The following KCTD1 variants were observed in gnomAD, a reference collection of about 807,000 sequenced individuals.
KCTD1 encodes BTB/POZ domain-containing protein KCTD1.
KCTD1 carries 24 observed loss-of-function variants against 66.0 expected under a neutral mutation model. The observed-to-expected ratio is 0.36, with a 90% CI of 0.26 to 0.51. KCTD1 has a LOEUF of 0.51. Among genes scored for constraint, KCTD1 ranks in the 20% least tolerant of loss-of-function variants. The probability of loss-of-function intolerance (pLI) is 0.95; values close to 1 mark genes in which losing one functional copy is unlikely to be tolerated. For missense variants in KCTD1, 943 were observed against 1,205.2 expected (o/e 0.78, Z 3.22); for synonymous variants, 511 against 517.2 (o/e 0.99, Z 0.16).
At chr18:26,546,155 C>T (rs916820185) in intron 1 of KCTD1, among the ~76,000 whole-genome samples, 1 of 149,018 alleles carries the variant, frequency 6.7e-6, no homozygotes, top group Non-Finnish European at 1.5e-5. Flanking sequence ...TGCCAGTTTA[C>T]ATTCAACTAC....
intron 1 of KCTD1, among the ~76,000 whole-genome samples, chr18:26,655,322 G>A (rs2145086980): frequency 6.6e-6 from 1 of 152,274 alleles, no homozygotes; most frequent in African/African-American, 2.4e-5. Context: ...TACCCAGAGG[G>A]TATTCTCAAA....
chr18:26,546,300 C>T (rs543910929), intron 1 of KCTD1, among the ~76,000 whole-genome samples: 21 of 150,906 alleles, frequency 1.4e-4, no homozygotes, highest in African/African-American at 5.1e-4. Flanking sequence ...GTTTTTCTAC[C>T]TTCTAAGGTC....
chr18:26,641,330 C>T (rs780122763), upstream of KCTD1, among the ~76,000 whole-genome samples: 2 of 152,162 alleles, frequency 1.3e-5, no homozygotes, highest in Non-Finnish European at 2.9e-5. Flanking sequence ...GCTTGTAACC[C>T]ACAGCATAGA....
intron 1 of KCTD1, among the ~76,000 whole-genome samples, chr18:26,569,524 T>A (rs1986054974): frequency 6.6e-6 from 1 of 151,112 alleles, no homozygotes; most frequent in Admixed American, 6.6e-5. Context: ...ACTCTTCTAT[T>A]CAGGCTGTCA....
At chr18:26,604,310 G>A (rs1986964162) in intron 1 of KCTD1, among the ~76,000 whole-genome samples, 1 of 152,198 alleles carries the variant, frequency 6.6e-6, no homozygotes, top group South Asian at 2.1e-4. Flanking sequence ...ACATACTGGT[G>A]AGAGTTTAAA....
chr18:26,573,354 T>C (rs1231151345), intron 1 of KCTD1, among the ~76,000 whole-genome samples: 2 of 152,118 alleles, frequency 1.3e-5, no homozygotes, highest in Admixed American at 6.6e-5. Flanking sequence ...TGTACAACAG[T>C]GTGAATGTAC....
intron 3 of KCTD1, among the ~76,000 whole-genome samples, chr18:26,465,681 C>T (rs902167280): frequency 6.6e-6 from 1 of 152,168 alleles, no homozygotes; most frequent in African/African-American, 2.4e-5. Context: ...GACGGCGGGA[C>T]GGAAGGCAGG....
intron 1 of KCTD1, among the ~76,000 whole-genome samples, chr18:26,628,835 G>A (rs1987558588): frequency 6.6e-6 from 1 of 152,198 alleles, no homozygotes; most frequent in African/African-American, 2.4e-5. Flanking sequence ...CAGAGTCTAT[G>A]CTATAATCAC....
chr18:26,575,115 G>GAGACTCCT (rs1986194934), intron 1 of KCTD1, among the ~76,000 whole-genome samples: 1 of 152,040 alleles, frequency 6.6e-6, no homozygotes, highest in Non-Finnish European at 1.5e-5. Flanking sequence ...CTTAAATGCT[G>GAGACTCCT]AGACTCCTGT....
upstream of KCTD1, among the ~76,000 whole-genome samples, chr18:26,643,741 T>C (rs946167568): frequency 3.3e-5 from 5 of 152,138 alleles, no homozygotes; most frequent in Non-Finnish European, 5.9e-5. Flanking sequence ...GGCGGGCATA[T>C]CACGAGGTCA....
At chr18:26,654,481 A>G (rs1156524331) in intron 1 of KCTD1, among the ~76,000 whole-genome samples, 1 of 152,128 alleles carries the variant, frequency 6.6e-6, no homozygotes, top group Non-Finnish European at 1.5e-5. Flanking sequence ...ATTACTGTGC[A>G]CCCCTACTAT....
intron 1 of KCTD1, among the ~76,000 whole-genome samples, chr18:26,534,812 C>G (rs1984610946): frequency 6.6e-6 from 1 of 152,174 alleles, no homozygotes; most frequent in Non-Finnish European, 1.5e-5. Flanking sequence ...TTGCTCCAAA[C>G]TGATGTACCT....
chr18:26,609,732 A>T (rs995548622), intron 1 of KCTD1, among the ~76,000 whole-genome samples: 17 of 152,236 alleles, frequency 1.1e-4, no homozygotes, highest in African/African-American at 3.9e-4. Context: ...TCAGTGACTG[A>T]AACTACAGCC....
At chr18:26,543,866 G>A (rs1985088937) in intron 1 of KCTD1, 1 of 152,182 alleles carries the variant, frequency 6.6e-6, no homozygotes, top group East Asian at 1.9e-4. Context: ...ACAAAACTAT[G>A]ACATTCAGAA....
At chr18:26,627,352 C>T (rs1987525183) in intron 1 of KCTD1, among the ~76,000 whole-genome samples, 1 of 151,622 alleles carries the variant, frequency 6.6e-6, no homozygotes, top group South Asian at 2.1e-4. Flanking sequence ...TGAAAACACA[C>T]CAAGCTTCTA....
At chr18:26,515,028 T>C (rs1436276697) in intron 1 of KCTD1, among the ~76,000 whole-genome samples, 3 of 152,220 alleles carry the variant, frequency 2.0e-5, no homozygotes, top group Non-Finnish European at 4.4e-5. Context: ...AGCTATTCTT[T>C]ATAATTTTCA....
At chr18:26,583,262 C>T (rs1169420271) in intron 1 of KCTD1, among the ~76,000 whole-genome samples, 9 of 151,590 alleles carry the variant, frequency 5.9e-5, no homozygotes, top group East Asian at 5.8e-4. Flanking sequence ...GATGTGGTGG[C>T]GGGCGCCTGT....
intron 1 of KCTD1, among the ~76,000 whole-genome samples, chr18:26,584,594 T>A (rs1598952544): frequency 6.6e-6 from 1 of 152,304 alleles, no homozygotes; most frequent in African/African-American, 2.4e-5. Flanking sequence ...TTGAGCTGGG[T>A]CCAGGAGGTA....
chr18:26,478,494 C>A (rs963375634), intron 2 of KCTD1, among the ~76,000 whole-genome samples: 2 of 152,088 alleles, frequency 1.3e-5, no homozygotes, highest in African/African-American at 4.8e-5. Flanking sequence ...GCACCTATAC[C>A]GAAATAAGTC....
Sources: gnomAD v4.1 joint callset for allele counts (sites outside exome capture counted in the v4.1 genomes callset) on GRCh38, gnomAD v4.1.1 for gene constraint, MANE v1.5 for transcripts, NCBI Gene and HGNC (gene_info 2026-07-23, HGNC 2026-07-21) for gene names.